Variants in SMAD3 observed in about 807,000 individuals in gnomAD.
The protein encoded by SMAD3 is MAD homolog 3.
A neutral mutation model predicts 51.8 loss-of-function variants in SMAD3; 12 were observed. That is an observed-to-expected ratio of 0.23 (90% confidence interval 0.15 to 0.38). SMAD3 has a LOEUF of 0.38. Among genes scored for constraint, SMAD3 ranks in the 10% least tolerant of loss-of-function variants. The pLI, the probability that SMAD3 is intolerant of heterozygous loss-of-function variation, is 1.00. For missense variants in SMAD3, 294 were observed against 565.6 expected, an observed-to-expected ratio of 0.52 and a Z score of 4.87; for synonymous variants, 238 against 227.7, an observed-to-expected ratio of 1.05 and a Z score of -0.41.
At chr15:67,099,888 A>G (rs1960709863) in intron 1 of SMAD3, among the ~76,000 whole-genome samples, 1 of 152,218 alleles carries the variant, frequency 6.6e-6, no homozygotes. Flanking sequence ...TGAGCCAAGA[A>G]ATGAAGTACG....
In SMAD3 at chr15:67,113,096, T is replaced by TATA. The variant is rs58255931; in HGVS notation, c.206+46736_206+46737insATA. Among the ~76,000 whole-genome samples the TATA allele has an allele frequency of 2.0e-4, 17 of 86,904 alleles. 6 individuals are homozygous for TATA. Among genetic ancestry groups the TATA allele is most frequent in the African/African-American group, 6.8e-4 (12 of 17,660 alleles). The allele number at this position is 86,904 out of a possible 152,430, so 57.0% of individuals were successfully genotyped here. Reference sequence around the variant, plus strand: ...TATGTGTATATATATATATATATATTTTTTTGAGACAGAGTCTTGCTCTGT... The same window carrying TATA: ...TATGTGTATATATATATATATATATTATATTTTTGAGACAGAGTCTTGCTCTGT... On this transcript the variant is annotated intron_variant, in intron 1 of 8. Coordinates refer to ENST00000327367, the MANE Select transcript of SMAD3 (RefSeq NM_005902.4).
At chr15:67,110,504 C>T (rs1449316566) in intron 1 of SMAD3, among the ~76,000 whole-genome samples, 22 of 152,210 alleles carry the variant, frequency 1.4e-4, no homozygotes, top group Admixed American at 1.4e-3. Flanking sequence ...CCTCCCCCTA[C>T]GTGACAGTAT....
intron 1 of SMAD3, among the ~76,000 whole-genome samples, chr15:67,123,464 A>G (rs2140245321): frequency 6.6e-6 from 1 of 152,328 alleles, no homozygotes; most frequent in Non-Finnish European, 1.5e-5. Context: ...GTGCCATCGC[A>G]CTCCAGCTTG....
At chr15:67,124,650 T>G (rs992824367) in intron 1 of SMAD3, among the ~76,000 whole-genome samples, 4 of 152,232 alleles carry the variant, frequency 2.6e-5, no homozygotes, top group African/African-American at 7.2e-5. Flanking sequence ...GAGACTGTGT[T>G]TGAATAGAAA....
chr15:67,186,889 C>T (rs1335400169), intron 7 of SMAD3: 5 of 357,374 alleles, frequency 1.4e-5, no homozygotes, highest in East Asian at 1.5e-4. Flanking sequence ...TCGGCCAGCC[C>T]GTCTCTGGGG....
Position 67,164,944 on chromosome 15 carries a change from G to A in SMAD3, c.256G>A (p.Val86Ile), listed in dbSNP as rs2140293813. 1.9e-6 allele frequency: 3 copies of A among 1,613,766 alleles called. No homozygotes were observed. Among genetic ancestry groups the A allele is most frequent in the Non-Finnish European group, 2.5e-6 (3 of 1,180,036 alleles). The change falls in exon 2 of 9, where the codon GTC (valine) becomes ATC (isoleucine). Residue 86 changes from valine to isoleucine, a missense_variant. Val to Ile is a conservative substitution (Grantham distance 29, BLOSUM62 3). This residue lies in a region of SMAD3 where 147 missense variants were observed against 260.9 expected (regional missense o/e 0.56). Coordinates refer to ENST00000327367, the MANE Select transcript of SMAD3 (RefSeq NM_005902.4). ...GTCCCATCGGAAGGGGCTCCCTCAT[G>A]TCATCTACTGCCGCCTGTGGCGATG... ...QVSHRKGLPH[V>I]IYCRLWRWPD...
intron 1 of SMAD3, among the ~76,000 whole-genome samples, chr15:67,122,280 C>A (rs895324118): frequency 1.3e-5 from 2 of 152,208 alleles, no homozygotes; most frequent in Non-Finnish European, 2.9e-5. Flanking sequence ...GATCTGTAGG[C>A]TTCAGGGACT....
At chr15:67,153,010 T>C (rs1006435258) in intron 1 of SMAD3, among the ~76,000 whole-genome samples, 7 of 152,136 alleles carry the variant, frequency 4.6e-5, no homozygotes, top group African/African-American at 9.7e-5. Flanking sequence ...AGAACTGAGT[T>C]TGGAGTGTAA....
intron 5 of SMAD3, among the ~76,000 whole-genome samples, chr15:67,180,388 G>A (rs1276630424): frequency 6.6e-6 from 1 of 152,002 alleles, no homozygotes; most frequent in African/African-American, 2.4e-5. Flanking sequence ...AGTGTGAGGA[G>A]AAGCTGCCAT....
intron 1 of SMAD3, among the ~76,000 whole-genome samples, chr15:67,151,406 C>T (rs1415131237): frequency 6.6e-6 from 1 of 152,078 alleles, no homozygotes; most frequent in African/African-American, 2.4e-5. Flanking sequence ...AATCTCGGCT[C>T]ACTGCAACCT....
chr15:67,138,048 C>G (rs1961710497), intron 1 of SMAD3: 1 of 1,551,772 alleles, frequency 6.4e-7, no homozygotes, highest in Non-Finnish European at 8.7e-7. Context: ...GCACCCTAGG[C>G]AAACGTGGAA....
intron 5 of SMAD3, among the ~76,000 whole-genome samples, chr15:67,171,930 T>C (rs1962762091): frequency 6.6e-6 from 1 of 152,218 alleles, no homozygotes; most frequent in Admixed American, 6.5e-5. Flanking sequence ...CTTTTGAGAT[T>C]GGCTGCTTTA....
At chr15:67,080,139 C>T (rs1388135297) in intron 1 of SMAD3, among the ~76,000 whole-genome samples, 1 of 152,176 alleles carries the variant, frequency 6.6e-6, no homozygotes, top group Non-Finnish European at 1.5e-5. Context: ...GATACCTGAC[C>T]AAGGTAATGG....
At chr15:67,099,081 C>T in intron 1 of SMAD3, 2 of 696,438 alleles carry the variant, frequency 2.9e-6, no homozygotes, top group Non-Finnish European at 5.3e-6. Context: ...ATTCATGTGT[C>T]AGCCTTAGAG....
At chr15:67,183,492 A>G (rs1043547042) in intron 6 of SMAD3, among the ~76,000 whole-genome samples, 2 of 152,184 alleles carry the variant, frequency 1.3e-5, no homozygotes, top group Admixed American at 1.3e-4. Context: ...AGCACCCTGC[A>G]GAACTAAAGC....
intron 1 of SMAD3, among the ~76,000 whole-genome samples, chr15:67,152,766 T>G (rs1232675298): frequency 6.6e-6 from 1 of 152,152 alleles, no homozygotes; most frequent in Non-Finnish European, 1.5e-5. Flanking sequence ...ATTTGTGACT[T>G]GAAAGTTCTA....
intron 1 of SMAD3, chr15:67,138,377 C>A: frequency 2.3e-6 from 1 of 438,418 alleles, no homozygotes; most frequent in Non-Finnish European, 4.2e-6. Context: ...ATGGAGCTTG[C>A]TTGCCATCGC....
chr15:67,103,952 G>A (rs1960819673), intron 1 of SMAD3, among the ~76,000 whole-genome samples: 1 of 152,184 alleles, frequency 6.6e-6, no homozygotes, highest in Non-Finnish European at 1.5e-5. Context: ...AGGTGTTGAC[G>A]TTCAAGGGTA....
At chr15:67,075,058 C>G (rs1337792662) in intron 1 of SMAD3, among the ~76,000 whole-genome samples, 2 of 151,000 alleles carry the variant, frequency 1.3e-5, no homozygotes, top group African/African-American at 4.9e-5. Flanking sequence ...AATAGTAATG[C>G]TTTTTGGGTG....
Sources: allele counts gnomAD v4.1 joint callset (sites outside exome capture counted in the v4.1 genomes callset), GRCh38; gene constraint gnomAD v4.1.1; regional missense constraint gnomAD v4.1.1; transcripts MANE v1.5; gene names NCBI Gene and HGNC (gene_info 2026-07-23, HGNC 2026-07-21).